The following FMO2 variants were observed in gnomAD, a reference collection of about 807,000 sequenced individuals.
The protein encoded by FMO2 is flavin containing dimethylaniline monoxygenase 2.
Under a neutral mutation model 41.6 loss-of-function variants are expected in FMO2, and 33 were observed. The observed-to-expected ratio is 0.79, with a 90% confidence interval of 0.60 to 1.06. The LOEUF (loss-of-function observed/expected upper bound fraction) is 1.06. FMO2 is among the 50% of genes least tolerant of loss of function. The pLI, the probability that FMO2 is intolerant of heterozygous loss-of-function variation, is 0.00. For missense variants in FMO2, 619 were observed against 632.9 expected (o/e 0.98, Z 0.23); for synonymous variants, 214 against 219.6 (o/e 0.97, Z 0.23).
In FMO2 at chr1:171,205,646, G is replaced by A. The variant is rs371787701; in HGVS notation, c.1183+12G>A. The A allele has an allele frequency of 2.4e-5, 38 of 1,551,102 alleles. No individual in the cohort carries two copies. The highest frequency in any genetic ancestry group is 3.1e-5 in the Non-Finnish European group (35 of 1,138,850). ...AAGAGTTTTCAAAGGTAAGTGTGTAGGCAGGTGAGTGGCTAAGCGTTTCAG... is the reference window on the plus strand; with the variant it reads ...AAGAGTTTTCAAAGGTAAGTGTGTAAGCAGGTGAGTGGCTAAGCGTTTCAG... On this transcript the variant is annotated intron_variant, in intron 7 of 8. Coordinates refer to ENST00000209929, the MANE Select transcript of FMO2 (RefSeq NM_001460.5).
chr1:171,193,485 G>T lies in FMO2; in HGVS notation c.283G>T (p.Ala95Ser). 1.2e-6 allele frequency: 2 copies of T among 1,611,296 alleles called. No individual in the cohort carries two copies. The change falls in exon 3 of 9, where the codon GCT becomes TCT. Residue 95 changes from alanine (A) to serine (S), a missense_variant. By Grantham distance (99) the Ala-to-Ser change is moderately conservative (BLOSUM62 1). Coordinates refer to ENST00000209929, the MANE Select transcript of FMO2 (RefSeq NM_001460.5). ...ACTTCTGGAATATTTCAGGATTTTT[G>T]CTAAAAAATTTGATCTGCTAAAATA... ...SKLLEYFRIF[A>S]KKFDLLKYIQ...
chr1:171,188,602 G>A (rs964841403), intron 2 of FMO2, among the ~76,000 whole-genome samples: 12 of 152,186 alleles, frequency 7.9e-5, no homozygotes, highest in Admixed American at 7.2e-4. Context: ...CCAGGTGACT[G>A]GGAGTTTCCA....
chr1:171,194,147 C>T (rs950492838), intron 3 of FMO2, among the ~76,000 whole-genome samples: 1 of 152,086 alleles, frequency 6.6e-6, no homozygotes, highest in Non-Finnish European at 1.5e-5. Context: ...CTTGAAAGGG[C>T]GTATACCAAA....
At chr1:171,203,204 G>A (rs562241911) in intron 5 of FMO2, among the ~76,000 whole-genome samples, 1 of 152,052 alleles carries the variant, frequency 6.6e-6, no homozygotes, top group East Asian at 1.9e-4. Context: ...TTAGCTGGAT[G>A]TGGTGGTACA....
At chr1:171,196,838 T>C (rs777918248) in intron 4 of FMO2, 27 bp downstream of exon 4, 2 of 1,604,822 alleles carry the variant, frequency 1.2e-6, no homozygotes, top group East Asian at 4.5e-5. Context: ...TTCCCAGCTT[T>C]TTGGAGTAGG....
At chr1:171,199,607 T>C in intron 5 of FMO2, 119 bp downstream of exon 5, 4 of 912,510 alleles carry the variant, frequency 4.4e-6, no homozygotes, top group East Asian at 5.6e-5. Context: ...TGGTAGCGCA[T>C]TGTGGCATCA....
intron 5 of FMO2, 35 bp downstream of exon 5, chr1:171,199,523 G>A: frequency 6.4e-7 from 1 of 1,557,552 alleles, no homozygotes; most frequent in Non-Finnish European, 8.7e-7. Flanking sequence ...TACCTGGAGG[G>A]GAGGAAGTGG....
chr1:171,191,119 T>C (rs543238846), intron 2 of FMO2, among the ~76,000 whole-genome samples: 1 of 150,648 alleles, frequency 6.6e-6, no homozygotes, highest in South Asian at 2.1e-4. Flanking sequence ...CACTCCAGCC[T>C]GGGCAACAAG....
chr1:171,193,712 T>A (rs1490914736), intron 3 of FMO2, among the ~76,000 whole-genome samples, 189 bp downstream of exon 3: 1 of 152,092 alleles, frequency 6.6e-6, no homozygotes, highest in Non-Finnish European at 1.5e-5. Flanking sequence ...TTATATACAT[T>A]AATTGAAGAG....
At chr1:171,190,194 T>A (rs1287748432) in intron 2 of FMO2, among the ~76,000 whole-genome samples, 2 of 152,192 alleles carry the variant, frequency 1.3e-5, no homozygotes, top group African/African-American at 2.4e-5. Context: ...TCTTTAAACT[T>A]ACTGTTTACA....
intron 3 of FMO2, 96 bp downstream of exon 3, chr1:171,193,619 G>A: frequency 2.5e-6 from 2 of 806,112 alleles, no homozygotes; most frequent in Non-Finnish European, 3.9e-6. Context: ...TATGAATGAA[G>A]TATCCCATTC....
intron 2 of FMO2, among the ~76,000 whole-genome samples, chr1:171,190,131 T>C (rs1014953805): frequency 6.6e-6 from 1 of 152,216 alleles, no homozygotes; most frequent in Non-Finnish European, 1.5e-5. Flanking sequence ...TAAATCTGTT[T>C]CTGCTTTATA....
At chr1:171,187,506 G>A (rs1284546222) in intron 2 of FMO2, among the ~76,000 whole-genome samples, 1 of 151,272 alleles carries the variant, frequency 6.6e-6, no homozygotes, top group East Asian at 1.9e-4. Context: ...CACCTGGAGG[G>A]TTTCTTTTAT....
chr1:171,207,561 T>A (rs1658812223), intron 7 of FMO2, 157 bp from the exon 8 acceptor site: 1 of 621,044 alleles, frequency 1.6e-6, no homozygotes, highest in Non-Finnish European at 2.9e-6. Context: ...TCACATAGAG[T>A]GCTATGGGGG....
chr1:171,207,512 C>G (rs1571294366), intron 7 of FMO2: 1 of 460,294 alleles, frequency 2.2e-6, no homozygotes, highest in Non-Finnish European at 3.8e-6. Context: ...GCCCTCTCCA[C>G]TTGTAGTCCA....
Position 171,193,287 on chromosome 1 carries a change from A to C in FMO2, c.133-48A>C, listed in dbSNP as rs1158415919. The C allele has an allele frequency of 4.8e-6, 7 of 1,467,362 alleles. No homozygotes were observed. The African/African-American group carries it at 1.0e-4, about 21-fold the overall frequency. The allele number at this position is 1,467,362 out of a possible 1,614,324, so 90.9% of individuals were successfully genotyped here. A position where few individuals can be genotyped will look rare whatever the true frequency, so the allele number is the denominator to read the frequency against. ...GATGTAGGAAGAGTAAAAAACAAAA[A>C]ATTTTTGAATGCGTAATTATCACTA... On this transcript the variant is annotated intron_variant, in intron 2 of 8. Coordinates refer to ENST00000209929, the MANE Select transcript of FMO2 (RefSeq NM_001460.5).
Position 171,185,371 on chromosome 1 carries a change from C to A in FMO2, c.-7+12C>A, listed in dbSNP as rs1557971532. The A allele has an allele frequency of 5.8e-6, 1 of 171,476 alleles. No homozygotes were observed. Among genetic ancestry groups the A allele is most frequent in the Non-Finnish European group, 1.2e-5 (1 of 80,016 alleles). 10.6% of individuals were successfully genotyped at this position (171,476 alleles called of 1,614,324 possible). A position where few individuals can be genotyped will look rare whatever the true frequency, so the allele number is the denominator to read the frequency against. On this transcript the variant is annotated intron_variant, in intron 1 of 8. Transcript: ENST00000209929. ...AGGCAAAAACAAAGGTAAGGATGAT[C>A]GCTGGGGAAAGAAGCTGAAAAGGAA...
intron 4 of FMO2, among the ~76,000 whole-genome samples, chr1:171,198,744 T>G (rs1280867538): frequency 6.6e-6 from 1 of 152,036 alleles, no homozygotes; most frequent in Non-Finnish European, 1.5e-5. Flanking sequence ...AATGTCATTA[T>G]ATAGTCCAAA....
intron 2 of FMO2, 143 bp downstream of exon 2, chr1:171,185,988 C>G: frequency 1.1e-6 from 1 of 912,140 alleles, no homozygotes; most frequent in Non-Finnish European, 1.6e-6. Flanking sequence ...CATAATGGAA[C>G]TGAAGTCATA....
Sources: allele counts gnomAD v4.1 joint callset (sites outside exome capture counted in the v4.1 genomes callset), GRCh38; gene constraint gnomAD v4.1.1; transcripts MANE v1.5; gene names NCBI Gene and HGNC (gene_info 2026-07-23, HGNC 2026-07-21).